BBIP1: variants seen among roughly 807,000 people sequenced by gnomAD.
The protein encoded by BBIP1 is BBSome-interacting protein 1.
BBIP1 carries 6 observed loss-of-function variants against 8.9 expected under a neutral mutation model. That is an observed-to-expected ratio of 0.67 (90% CI 0.37 to 1.33). The LOEUF (loss-of-function observed/expected upper bound fraction) is 1.33. Ranked by LOEUF, BBIP1 falls within the 40% of genes most tolerant of loss-of-function variation. The pLI is 0.02. For synonymous variants in BBIP1, 32 were observed against 33.4 expected, an observed-to-expected ratio of 0.96 and a Z score of 0.14; for missense variants, 111 against 109.2, an observed-to-expected ratio of 1.02 and a Z score of -0.07.
chr10:110,907,175 G>C (rs999505061), intron 2 of BBIP1: 2 of 152,230 alleles, frequency 1.3e-5, no homozygotes, highest in African/African-American at 4.8e-5. Context: ...GTCATAGTAA[G>C]ATTCTACCAG....
chr10:110,901,377 T>C (rs1471556903), intron 3 of BBIP1, 161 bp downstream of exon 3: 2 of 601,934 alleles, frequency 3.3e-6, no homozygotes, highest in African/African-American at 1.9e-5. Flanking sequence ...GTTATCCTTT[T>C]ACTGGATGTC....
At position 110,900,482 on chromosome 10, in the gene BBIP1, G is replaced by GT; in HGVS notation, c.156dup (p.Pro53ThrfsTer45). The GT allele has an allele frequency of 6.5e-7, 1 of 1,535,672 alleles. No individual in the cohort carries two copies. Among genetic ancestry groups the GT allele is most frequent in the Non-Finnish European group, 8.7e-7 (1 of 1,146,632 alleles). ...AGAGATTTTAAGGGTAAAAGTTTGG[G>GT]TTTACACAGCACCATTGTCATTATA... On this transcript the variant is annotated frameshift_variant, in exon 4 of 4. Coordinates refer to ENST00000448814, the MANE Select transcript of BBIP1 (RefSeq NM_001195305.3). LOFTEE classifies it high-confidence loss of function.
intron 2 of BBIP1, chr10:110,912,333 T>G (rs1034434872): frequency 2.6e-5 from 4 of 152,302 alleles, no homozygotes; most frequent in Admixed American, 1.3e-4. Flanking sequence ...AATCCTAAGC[T>G]TAATTAGAAA....
At chr10:110,906,725 AAT>A (rs1846151360) in intron 2 of BBIP1, 1 of 152,128 alleles carries the variant, frequency 6.6e-6, no homozygotes, top group Non-Finnish European at 1.5e-5. Context: ...ATGCCCGGCT[AAT>A]TTTTGTATTT....
At chr10:110,917,194 A>ATTTTTTTTT (rs67066048) in intron 2 of BBIP1, among the ~76,000 whole-genome samples, 9 of 107,972 alleles carry the variant, frequency 8.3e-5, no homozygotes, top group Non-Finnish European at 1.2e-4. Context: ...CTGGATCCTG[A>ATTTTTTTTT]TTTTTTTTTT....
intron 2 of BBIP1, among the ~76,000 whole-genome samples, chr10:110,910,027 T>A (rs551680907): frequency 3.9e-5 from 6 of 152,276 alleles, no homozygotes; most frequent in African/African-American, 1.4e-4. Flanking sequence ...TATAATTGAA[T>A]ACAATGTACT....
chr10:110,900,988 C>T (rs761250808), intron 3 of BBIP1: 1 of 221,698 alleles, frequency 4.5e-6, no homozygotes, highest in South Asian at 5.1e-5. Context: ...ATTTCTTTCA[C>T]TGAAGTTTCA....
chr10:110,916,369 T>C (rs185885461), intron 2 of BBIP1, among the ~76,000 whole-genome samples: 24 of 152,338 alleles, frequency 1.6e-4, no homozygotes, highest in Admixed American at 1.5e-3. Flanking sequence ...GTTGGCAGTC[T>C]TGAGTTTTCC....
intron 2 of BBIP1, chr10:110,904,463 A>C (rs1159105189): frequency 6.6e-6 from 1 of 152,244 alleles, no homozygotes; most frequent in African/African-American, 2.4e-5. Flanking sequence ...CCTCATTAAG[A>C]AGGTGACATT....
At position 110,910,258 on chromosome 10, in the gene BBIP1, A is replaced by C. The variant is rs370814418; in HGVS notation, c.37+7863T>G. Among the ~76,000 whole-genome samples, 493 of 152,180 alleles carry C rather than the reference A, an allele frequency of 3.2e-3. 27 individuals are homozygous for C. In the South Asian group the frequency reaches 0.095, roughly 29 times the overall value. Reference sequence around the variant, plus strand: ...AAATACGTTCAAATGAAGAAGCATTAAAAAAAAGTGTTCTGTCGGAGGACA... The same window carrying C: ...AAATACGTTCAAATGAAGAAGCATTCAAAAAAAGTGTTCTGTCGGAGGACA... On this transcript the variant is annotated intron_variant, in intron 2 of 3. Coordinates refer to ENST00000448814, the MANE Select transcript of BBIP1 (RefSeq NM_001195305.3).
At chr10:110,913,383 C>T (rs1846322932) in intron 2 of BBIP1, among the ~76,000 whole-genome samples, 1 of 152,172 alleles carries the variant, frequency 6.6e-6, no homozygotes, top group East Asian at 1.9e-4. Flanking sequence ...TATCTTCTGT[C>T]TCTAAAAATC....
At position 110,900,453 on chromosome 10, in the gene BBIP1, A is replaced by G. The variant is rs1321380002; in HGVS notation, c.186T>C (p.Thr62=). The G allele has an allele frequency of 6.5e-7, 1 of 1,535,840 alleles. No homozygotes were observed. The highest frequency in any genetic ancestry group is 8.7e-7 in the Non-Finnish European group (1 of 1,146,760). Residue 62 remains threonine, a synonymous_variant, in exon 4 of 4, where the codon ACT becomes ACC. Coordinates refer to ENST00000448814, the MANE Select transcript of BBIP1 (RefSeq NM_001195305.3). The part of the protein sequence containing the change: ...KPKLLPLKSL[T]LEKLEKMHQA... ...GATGCATTTTCTCTAGTTTTTCCAG[A>G]GTCAGAGATTTTAAGGGTAAAAGTT...
intron 2 of BBIP1, among the ~76,000 whole-genome samples, chr10:110,915,657 GAATT>G (rs1204390665): frequency 6.6e-6 from 1 of 151,950 alleles, no homozygotes; most frequent in Non-Finnish European, 1.5e-5. Context: ...ATATATATTT[GAATT>G]AATTCTGTAA....
chr10:110,905,170 A>G (rs1309839541), intron 2 of BBIP1, among the ~76,000 whole-genome samples: 1 of 152,234 alleles, frequency 6.6e-6, no homozygotes, highest in Non-Finnish European at 1.5e-5. Context: ...AATCTTTGTC[A>G]TGAAATATTT....
intron 2 of BBIP1, chr10:110,903,712 A>AACACAAACCTAGATGGTATAGCCTCTT (rs780422453): frequency 1.3e-5 from 2 of 152,206 alleles, no homozygotes; most frequent in African/African-American, 4.8e-5. Context: ...AGAGTGTACT[A>AACACAAACCTAGATGGTATAGCCTCTT]ACACAAACCT....
chr10:110,904,661 C>G (rs1846087259), intron 2 of BBIP1: 1 of 152,112 alleles, frequency 6.6e-6, no homozygotes, highest in African/African-American at 2.4e-5. Flanking sequence ...AATTTTGACT[C>G]ATAGTAATTG....
At chr10:110,906,775 GT>G (rs1224452013) in intron 2 of BBIP1, 1 of 152,172 alleles carries the variant, frequency 6.6e-6, no homozygotes, top group Non-Finnish European at 1.5e-5. Context: ...GGCCAGGCTG[GT>G]CTCGAACTTC....
intron 3 of BBIP1, 155 bp from the exon 4 acceptor site, chr10:110,900,681 A>T (rs184410028): frequency 7.8e-5 from 49 of 624,328 alleles, no homozygotes; most frequent in African/African-American, 7.7e-4. Context: ...CAGAAAGATC[A>T]TTGTCATTCT....
chr10:110,901,241 G>A (rs1460669434), intron 3 of BBIP1: 10 of 413,940 alleles, frequency 2.4e-5, no homozygotes, highest in Admixed American at 1.4e-4. Context: ...GGTTGTGCCA[G>A]CTGTACCCAA....
Sources: gnomAD v4.1 joint callset for allele counts (sites outside exome capture counted in the v4.1 genomes callset) on GRCh38, gnomAD v4.1.1 for gene constraint, MANE v1.5 for transcripts, NCBI Gene and HGNC (gene_info 2026-07-23, HGNC 2026-07-21) for gene names.